The following DCTN4 variants were observed in gnomAD, a reference collection of about 807,000 sequenced individuals.
DCTN4 encodes the protein dynactin 4 (p62).
In DCTN4, 23 loss-of-function variants were observed where a neutral mutation model predicts 62.7. The ratio of observed to expected loss-of-function variants is 0.37; its 90% CI spans 0.26 to 0.52. DCTN4 has a LOEUF of 0.52. Among genes scored for constraint, DCTN4 ranks in the 20% least tolerant of loss-of-function variants. The probability of loss-of-function intolerance (pLI) is 0.92; values close to 1 mark genes in which losing one functional copy is unlikely to be tolerated. For synonymous variants in DCTN4, 199 were observed against 202.1 expected, an observed-to-expected ratio of 0.98 and a Z score of 0.13; for missense variants, 514 against 580.4, an observed-to-expected ratio of 0.89 and a Z score of 1.18.
At chr5:150,735,491 G>A (rs967537740) in intron 4 of DCTN4, among the ~76,000 whole-genome samples, 1 of 152,142 alleles carries the variant, frequency 6.6e-6, no homozygotes, top group African/African-American at 2.4e-5. Flanking sequence ...CTGCATCACT[G>A]GACTCTTTGC....
At chr5:150,719,614 T>C (rs1223406998) in intron 10 of DCTN4, 102 bp downstream of exon 10, 6 of 809,522 alleles carry the variant, frequency 7.4e-6, no homozygotes, top group African/African-American at 5.2e-5. Flanking sequence ...TATCCCTTGC[T>C]CACTGGATCC....
At position 150,758,843 on chromosome 5, in the gene DCTN4, A is replaced by T. The variant is rs1752958633; in HGVS notation, c.135+16T>A. The T allele has an allele frequency of 1.2e-6, 2 of 1,612,524 alleles. No homozygotes were observed. The highest frequency in any genetic ancestry group is 2.7e-5 in the African/African-American group (2 of 74,964). Reference sequence around the variant, plus strand: ...CCCCCCCACCCCACATACTCGCTATAGGGCGACTCTGTTACCTCGTGAGAC... The same window carrying T: ...CCCCCCCACCCCACATACTCGCTATTGGGCGACTCTGTTACCTCGTGAGAC... On this transcript the variant is annotated intron_variant, in intron 1 of 12. Transcript: ENST00000447998.
intron 8 of DCTN4, among the ~76,000 whole-genome samples, chr5:150,727,234 C>T (rs1442864110): frequency 6.6e-6 from 1 of 152,200 alleles, no homozygotes; most frequent in Non-Finnish European, 1.5e-5. Context: ...CAATTATCAA[C>T]TGCTAAATAA....
chr5:150,723,235 C>T (rs148452241), intron 8 of DCTN4, among the ~76,000 whole-genome samples: 1 of 152,192 alleles, frequency 6.6e-6, no homozygotes, highest in Non-Finnish European at 1.5e-5. Context: ...ATAACACATA[C>T]TGAGTACATA....
chr5:150,730,322 C>G (rs1160070049), intron 8 of DCTN4, among the ~76,000 whole-genome samples: 1 of 152,176 alleles, frequency 6.6e-6, no homozygotes, highest in Non-Finnish European at 1.5e-5. Context: ...CCTCCCTGAG[C>G]CTGAACACTA....
In DCTN4 at chr5:150,728,812, G is replaced by C. The variant is rs539521810; in HGVS notation, c.834+1819C>G. Among the ~76,000 whole-genome samples, 254 of 151,388 alleles carry C rather than the reference G, an allele frequency of 1.7e-3. 1 individual carries two copies. Among genetic ancestry groups the C allele is most frequent in the Admixed American group, 4.8e-3 (73 of 15,208 alleles). On this transcript the variant is annotated intron_variant, in intron 8 of 12. Transcript: ENST00000447998. ...GTTTGTCTTTTAATGGAAGCATTTAGTTCATTGGTATTTAATGTAAATACT... is the reference window on the plus strand; with the variant it reads ...GTTTGTCTTTTAATGGAAGCATTTACTTCATTGGTATTTAATGTAAATACT...
chr5:150,738,792 T>C (rs1384072145), intron 4 of DCTN4, among the ~76,000 whole-genome samples: 2 of 152,142 alleles, frequency 1.3e-5, no homozygotes, highest in African/African-American at 4.8e-5. Context: ...ATAAAGGGCA[T>C]CCAAATCAGT....
At chr5:150,729,042 C>CCTTTTTTTTTTTTTTTTTT (rs762124472) in intron 8 of DCTN4, among the ~76,000 whole-genome samples, 6 of 52,140 alleles carry the variant, frequency 1.2e-4, no homozygotes, top group African/African-American at 1.5e-4. Context: ...ACCACACTGG[C>CCTTTTTTTTTTTTTTTTTT]TTTTTTTTTT....
At chr5:150,726,740 T>C (rs1760158182) in intron 8 of DCTN4, among the ~76,000 whole-genome samples, 1 of 152,202 alleles carries the variant, frequency 6.6e-6, no homozygotes, top group South Asian at 2.1e-4. Context: ...TACAGTGTGC[T>C]GTACCGTGGG....
chr5:150,757,030 T>C (rs1300858536), intron 1 of DCTN4, among the ~76,000 whole-genome samples: 1 of 152,248 alleles, frequency 6.6e-6, no homozygotes, highest in Non-Finnish European at 1.5e-5. Flanking sequence ...AGTCTTATTG[T>C]ACTTAAAAAA....
At chr5:150,756,039 CTTT>C (rs777641858) in intron 2 of DCTN4, among the ~76,000 whole-genome samples, 7 of 124,974 alleles carry the variant, frequency 5.6e-5, no homozygotes, top group Non-Finnish European at 8.6e-5. Flanking sequence ...TTTCATGTGT[CTTT>C]TTTTTTTTTT....
intron 3 of DCTN4, among the ~76,000 whole-genome samples, chr5:150,747,948 A>T (rs1322791418): frequency 7.0e-6 from 1 of 143,724 alleles, no homozygotes; most frequent in Admixed American, 6.8e-5. Context: ...ATGGGATCTA[A>T]TTAAACTAAA....
chr5:150,747,198 A>T (rs1478580844), intron 3 of DCTN4, among the ~76,000 whole-genome samples: 2 of 152,204 alleles, frequency 1.3e-5, no homozygotes, highest in Non-Finnish European at 2.9e-5. Flanking sequence ...AATTGCTTCA[A>T]AGAGAATAAA....
chr5:150,724,206 T>A (rs1410525168), intron 8 of DCTN4, among the ~76,000 whole-genome samples: 1 of 152,212 alleles, frequency 6.6e-6, no homozygotes, highest in Admixed American at 6.5e-5. Flanking sequence ...AGTTTTAATG[T>A]ACATTTCCCT....
At chr5:150,730,985 A>G in intron 7 of DCTN4, 59 bp downstream of exon 7, 1 of 1,092,224 alleles carries the variant, frequency 9.2e-7, no homozygotes, top group Non-Finnish European at 1.4e-6. Flanking sequence ...AGGTACATAA[A>G]TAACAAAAAC....
At chr5:150,731,003 G>C (rs376493797) in intron 7 of DCTN4, 41 bp downstream of exon 7, 1 of 1,203,432 alleles carries the variant, frequency 8.3e-7, no homozygotes, top group African/African-American at 1.5e-5. Context: ...AACAGAATTA[G>C]ATGTAGACTA....
In DCTN4 at chr5:150,708,823, C is replaced by G. The variant is rs1759463102; in HGVS notation, c.*2326G>C. On this transcript the variant is annotated 3_prime_UTR_variant, in exon 13 of 13. Transcript: ENST00000447998. ...ACAGTAACCTGTCATTCATAAAGAT[C>G]AAGGAGTACCTCTCTGTCCCAAAAG... 2 of 152,840 alleles carry G rather than the reference C, an allele frequency of 1.3e-5. No individual in the cohort carries two copies. Among genetic ancestry groups the G allele is most frequent in the Admixed American group, 1.3e-4 (2 of 15,290 alleles). 9.5% of individuals were successfully genotyped at this position (152,840 alleles called of 1,614,324 possible).
intron 6 of DCTN4, 63 bp downstream of exon 6, chr5:150,731,353 T>C: frequency 6.6e-6 from 9 of 1,372,462 alleles, no homozygotes; most frequent in Non-Finnish European, 8.3e-6. Flanking sequence ...TTTAATCTCA[T>C]TTATTTGATA....
At chr5:150,758,786 TC>T in intron 1 of DCTN4, 72 bp downstream of exon 1, 1 of 1,576,280 alleles carries the variant, frequency 6.3e-7, no homozygotes, top group Non-Finnish European at 8.7e-7. Context: ...GCTCCAGCCT[TC>T]CGGTGGCAGT....
Sources: allele counts gnomAD v4.1 joint callset (sites outside exome capture counted in the v4.1 genomes callset), GRCh38; gene constraint gnomAD v4.1.1; transcripts MANE v1.5; gene names NCBI Gene and HGNC (gene_info 2026-07-23, HGNC 2026-07-21).